SHANK2: variants seen among roughly 807,000 people sequenced by gnomAD.
SHANK2 encodes SH3 and multiple ankyrin repeat domains protein 2.
In SHANK2, 43 loss-of-function variants were observed where a neutral mutation model predicts 133.7. The ratio of observed to expected loss-of-function variants is 0.32; its 90% CI spans 0.25 to 0.41. The LOEUF (loss-of-function observed/expected upper bound fraction) is 0.41, where lower values mean the gene tolerates loss of function less well. Among genes scored for constraint, SHANK2 ranks in the 10% least tolerant of loss-of-function variants. SHANK2 has a pLI of 1.00. For missense variants in SHANK2, 1,994 were observed against 2,235.8 expected (o/e 0.89, Z 2.18); for synonymous variants, 1,017 against 952.8 (o/e 1.07, Z -1.24).
intron 11 of SHANK2, among the ~76,000 whole-genome samples, chr11:70,874,973 C>T (rs1461871214): frequency 4.6e-5 from 7 of 152,194 alleles, no homozygotes; most frequent in African/African-American, 1.7e-4. Flanking sequence ...GTAACTATAA[C>T]AGGCTTCCCC....
chr11:70,489,903 G>A (rs1555155286), intron 23 of SHANK2: 2 of 323,034 alleles, frequency 6.2e-6, no homozygotes, highest in East Asian at 7.1e-5. Flanking sequence ...GCTGGGGAAT[G>A]CAGGGAACCC....
chr11:70,841,782 C>A (rs1948910527), intron 11 of SHANK2, among the ~76,000 whole-genome samples: 1 of 152,188 alleles, frequency 6.6e-6, no homozygotes, highest in Non-Finnish European at 1.5e-5. Flanking sequence ...CTCTTCAGGA[C>A]CCAAGCATGC....
In SHANK2 at chr11:70,500,605, G is replaced by A. The variant is rs782511950; in HGVS notation, c.2288-15C>T. ...CCGGACCGAGGCTTGCAAACAGAAA[G>A]GGGACCGCCATGAGCCACCAGGATG... On this transcript the variant is annotated splice_polypyrimidine_tract_variant and intron_variant, in intron 20 of 25. Transcript: ENST00000601538. The surrounding 1 kb of genome is among the most constrained non-coding windows in gnomAD (Gnocchi z 4.5). The A allele has an allele frequency of 2.2e-5, 35 of 1,600,302 alleles. No individual in the cohort carries two copies. The South Asian group carries it at 3.5e-4, about 16-fold the overall frequency.
intron 12 of SHANK2, among the ~76,000 whole-genome samples, chr11:70,815,511 A>G (rs1590714855): frequency 6.6e-6 from 1 of 151,796 alleles, no homozygotes; most frequent in Non-Finnish European, 1.5e-5. Flanking sequence ...GCCCCCTCAC[A>G]CCCCTTGCAG....
chr11:71,107,581 G>T (rs1173512662), intron 6 of SHANK2, among the ~76,000 whole-genome samples: 2 of 152,190 alleles, frequency 1.3e-5, no homozygotes, highest in Non-Finnish European at 2.9e-5. Context: ...AAGTGGTCAG[G>T]TCTTTCTCCT....
At chr11:70,856,644 A>G (rs1244372562) in intron 11 of SHANK2, among the ~76,000 whole-genome samples, 2 of 152,176 alleles carry the variant, frequency 1.3e-5, no homozygotes, top group African/African-American at 4.8e-5. Context: ...CCCATCTATT[A>G]TATTTCCTTG....
At chr11:71,155,989 A>G (rs1952900923) in intron 2 of SHANK2, among the ~76,000 whole-genome samples, 1 of 152,182 alleles carries the variant, frequency 6.6e-6, no homozygotes, top group Non-Finnish European at 1.5e-5. Context: ...TCTTTTTATC[A>G]GAAGAGGGAC....
At chr11:70,700,178 C>T (rs1019781396) in intron 14 of SHANK2, among the ~76,000 whole-genome samples, 64 of 152,198 alleles carry the variant, frequency 4.2e-4, no homozygotes, top group Non-Finnish European at 7.3e-5. Context: ...CACAAACCCC[C>T]GAGGCTCCTA....
chr11:70,598,370 T>C (rs2060429972), intron 17 of SHANK2, among the ~76,000 whole-genome samples: 1 of 152,064 alleles, frequency 6.6e-6, no homozygotes, highest in Non-Finnish European at 1.5e-5. Flanking sequence ...TTAGCACAAA[T>C]GACACAAGAA....
intron 14 of SHANK2, among the ~76,000 whole-genome samples, chr11:70,703,941 C>T (rs1198730597): frequency 6.6e-6 from 1 of 152,240 alleles, no homozygotes; most frequent in Non-Finnish European, 1.5e-5. Context: ...CTGCAGTTCC[C>T]ATGGGAGCCT....
At position 70,698,745 on chromosome 11, in the gene SHANK2, C is replaced by T. The variant is rs1945454227; in HGVS notation, c.1796G>A (p.Ser599Asn). 2 of 718,530 alleles carry T rather than the reference C, an allele frequency of 2.8e-6. No individual in the cohort carries two copies. Among genetic ancestry groups the T allele is most frequent in the Non-Finnish European group, 5.2e-6 (2 of 385,110 alleles). The allele number at this position is 718,530 out of a possible 1,614,324, so 44.5% of individuals were successfully genotyped here. A position where few individuals can be genotyped will look rare whatever the true frequency, so the allele number is the denominator to read the frequency against. ...DSQAETRADR[S>N]KKLFRHYTVG... ...GGTGTAGTGCCTGAAAAGCTTCTTG[C>T]TGCGGTCAGCGCGGGTTTCTGTACA... The change falls in exon 15 of 26, where the codon AGC becomes AAC. Residue 599 changes from serine (S) to asparagine (N), a missense_variant. Physicochemically the swap from Ser to Asn is conservative, Grantham distance 46. Transcript: ENST00000601538.
intron 2 of SHANK2, among the ~76,000 whole-genome samples, chr11:71,194,787 G>A (rs1446249279): frequency 2.0e-5 from 3 of 152,206 alleles, no homozygotes; most frequent in Non-Finnish European, 2.9e-5. Flanking sequence ...GCAGGGACTG[G>A]TGGACAGCAG....
intron 2 of SHANK2, among the ~76,000 whole-genome samples, chr11:71,215,240 A>AGCCTCGGTGTCCACCACAGTC (rs1438793871): frequency 6.6e-6 from 1 of 152,162 alleles, no homozygotes; most frequent in Non-Finnish European, 1.5e-5. Flanking sequence ...GCTCTCTCTG[A>AGCCTCGGTGTCCACCACAGTC]GCCTCGGTGT....
chr11:70,594,890 A>G (rs2060376468), intron 17 of SHANK2, among the ~76,000 whole-genome samples: 1 of 152,056 alleles, frequency 6.6e-6, no homozygotes, highest in Admixed American at 6.5e-5. Context: ...CTCTGCATGC[A>G]CCTTCAGGGA....
chr11:70,594,523 G>A (rs1238277080), intron 17 of SHANK2, among the ~76,000 whole-genome samples: 5 of 152,162 alleles, frequency 3.3e-5, no homozygotes, highest in African/African-American at 7.2e-5. Context: ...AGGAGCTTGA[G>A]TATCAACAGT....
At chr11:71,073,147 C>CTTTTCTT (rs1951166965) in intron 9 of SHANK2, among the ~76,000 whole-genome samples, 3 of 62,716 alleles carry the variant, frequency 4.8e-5, no homozygotes, top group African/African-American at 8.4e-5. Flanking sequence ...TTTTTCTTTT[C>CTTTTCTT]TTTTTTTTCT....
At chr11:70,548,334 G>C (rs1379120052) in intron 17 of SHANK2, among the ~76,000 whole-genome samples, 1 of 152,260 alleles carries the variant, frequency 6.6e-6, no homozygotes, top group African/African-American at 2.4e-5. Context: ...TGGATGGCTG[G>C]ATTTCCCTTC....
chr11:71,205,546 C>T (rs1473406348), intron 2 of SHANK2, among the ~76,000 whole-genome samples: 1 of 152,230 alleles, frequency 6.6e-6, no homozygotes, highest in African/African-American at 2.4e-5. Context: ...CCCCTTCAGC[C>T]TCCTTCCCCA....
intron 6 of SHANK2, among the ~76,000 whole-genome samples, chr11:71,100,546 G>A (rs534821109): frequency 7.9e-5 from 12 of 152,300 alleles, no homozygotes; most frequent in African/African-American, 2.2e-4. Context: ...ATTCCAACTC[G>A]ATGACATTCT....
Sources: gnomAD v4.1 joint callset for allele counts (sites outside exome capture counted in the v4.1 genomes callset) on GRCh38, gnomAD v4.1.1 for gene constraint, Gnocchi (gnomAD v3.1) non-coding constraint, MANE v1.5 for transcripts, NCBI Gene and HGNC (gene_info 2026-07-23, HGNC 2026-07-21) for gene names.